KCNMB4: variants seen among roughly 807,000 people sequenced by gnomAD.
KCNMB4 encodes the protein calcium-activated potassium channel subunit beta-4.
KCNMB4 carries 3 observed loss-of-function variants against 20.7 expected under a neutral mutation model. That is an observed-to-expected ratio of 0.14 (90% CI 0.07 to 0.37). KCNMB4 has a LOEUF of 0.37. KCNMB4 is among the 10% of genes least tolerant of loss of function. The pLI, the probability that KCNMB4 is intolerant of heterozygous loss-of-function variation, is 1.00. For missense variants in KCNMB4, 168 were observed against 265.9 expected, an observed-to-expected ratio of 0.63 and a Z score of 2.56; for synonymous variants, 110 against 113.4, an observed-to-expected ratio of 0.97 and a Z score of 0.19.
chr12:70,404,902 G>A (rs770768952), intron 2 of KCNMB4, among the ~76,000 whole-genome samples: 10 of 152,172 alleles, frequency 6.6e-5, no homozygotes, highest in South Asian at 2.1e-4. Context: ...TAGTTGAAGC[G>A]AAGACAAAGA....
intron 1 of KCNMB4, among the ~76,000 whole-genome samples, chr12:70,367,970 T>C (rs947803473): frequency 1.3e-5 from 2 of 152,148 alleles, no homozygotes; most frequent in Non-Finnish European, 2.9e-5. Flanking sequence ...AAATAACTTA[T>C]AAAAAGCAGT....
chr12:70,406,834 A>G (rs1479025833), intron 2 of KCNMB4, among the ~76,000 whole-genome samples: 3 of 152,214 alleles, frequency 2.0e-5, no homozygotes, highest in Middle Eastern at 3.2e-3. Flanking sequence ...AAGAAGGACT[A>G]TTCCTCCAGA....
intron 2 of KCNMB4, among the ~76,000 whole-genome samples, chr12:70,416,975 G>A (rs530172995): frequency 2.0e-5 from 3 of 152,258 alleles, no homozygotes; most frequent in South Asian, 2.1e-4. Context: ...AGAAGGTAGC[G>A]CTTTCTTCAG....
chr12:70,407,270 C>A (rs1294790220), intron 2 of KCNMB4, among the ~76,000 whole-genome samples: 3 of 152,030 alleles, frequency 2.0e-5, no homozygotes, highest in South Asian at 4.2e-4. Flanking sequence ...GAGCAAGGGG[C>A]CCTCTCCAGG....
At chr12:70,422,973 G>A (rs1334903318) in intron 2 of KCNMB4, 8 of 408,598 alleles carry the variant, frequency 2.0e-5, no homozygotes, top group African/African-American at 8.5e-5. Context: ...CTGAAGGGAC[G>A]GTCATCTTAA....
intron 2 of KCNMB4, among the ~76,000 whole-genome samples, chr12:70,416,504 T>C (rs995646335): frequency 1.2e-4 from 18 of 152,342 alleles, no homozygotes; most frequent in Non-Finnish European, 2.5e-4. Flanking sequence ...TGATAGGGTC[T>C]TTTTCATTAC....
chr12:70,393,092 A>G (rs1295471785), intron 1 of KCNMB4, among the ~76,000 whole-genome samples: 1 of 152,174 alleles, frequency 6.6e-6, no homozygotes, highest in African/African-American at 2.4e-5. Flanking sequence ...TATAATTATT[A>G]ATAACTATTG....
At chr12:70,404,211 T>C (rs1868533832) in intron 2 of KCNMB4, among the ~76,000 whole-genome samples, 3 of 152,174 alleles carry the variant, frequency 2.0e-5, no homozygotes, top group East Asian at 1.9e-4. Context: ...CTAAAGAGAT[T>C]CTTTGTCATA....
chr12:70,398,865 A>G (rs1478309861), intron 1 of KCNMB4, among the ~76,000 whole-genome samples: 1 of 152,198 alleles, frequency 6.6e-6, no homozygotes, highest in East Asian at 1.9e-4. Flanking sequence ...TCCAGCTGTG[A>G]TATCACGTGG....
chr12:70,429,539 C>T (rs1044818755), intron 2 of KCNMB4, among the ~76,000 whole-genome samples: 1 of 151,802 alleles, frequency 6.6e-6, no homozygotes, highest in Middle Eastern at 3.4e-3. Flanking sequence ...TGGTGGCGGG[C>T]GCCTGTAGTC....
intron 1 of KCNMB4, among the ~76,000 whole-genome samples, chr12:70,395,390 G>C (rs1366389582): frequency 6.6e-6 from 1 of 152,068 alleles, no homozygotes; most frequent in Non-Finnish European, 1.5e-5. Context: ...AAATGATTCA[G>C]TAACAGAAGA....
rs571307880 is a variant in KCNMB4 at position 70,385,658 on chromosome 12, A to G, written c.337-14551A>G. Among the ~76,000 whole-genome samples the G allele has an allele frequency of 3.3e-5, 5 of 152,340 alleles. No homozygotes were observed. In the East Asian group the frequency reaches 9.6e-4, roughly 29 times the overall value. On this transcript the variant is annotated intron_variant, in intron 1 of 2. Coordinates refer to ENST00000258111, the MANE Select transcript of KCNMB4 (RefSeq NM_014505.6). ...CTCAGCAAGTTTAATTGCCAAAGAA[A>G]TGTTCTTCAAAAATACAAAATTAGA...
chr12:70,367,938 G>A (rs1883525033), intron 1 of KCNMB4, among the ~76,000 whole-genome samples: 1 of 151,690 alleles, frequency 6.6e-6, no homozygotes, highest in Non-Finnish European at 1.5e-5. Flanking sequence ...GGAAGTCTCA[G>A]AAAACTGTTC....
intron 2 of KCNMB4, among the ~76,000 whole-genome samples, chr12:70,403,031 C>T (rs1251531722): frequency 6.6e-6 from 1 of 152,196 alleles, no homozygotes; most frequent in Admixed American, 6.5e-5. Flanking sequence ...CAACCCCTGA[C>T]TTGGGGCTAG....
intron 1 of KCNMB4, among the ~76,000 whole-genome samples, chr12:70,390,819 C>A (rs1456460246): frequency 1.3e-5 from 2 of 152,180 alleles, no homozygotes; most frequent in African/African-American, 2.4e-5. Context: ...TAACTTGGAC[C>A]AAAACTTCAT....
chr12:70,370,528 G>C (rs1248086285), intron 1 of KCNMB4, among the ~76,000 whole-genome samples: 1 of 151,812 alleles, frequency 6.6e-6, no homozygotes, highest in African/African-American at 2.4e-5. Flanking sequence ...GGATGGTCTC[G>C]ATCTCCTGAC....
chr12:70,395,699 G>A (rs34501109), intron 1 of KCNMB4, among the ~76,000 whole-genome samples: 16,851 of 152,108 alleles, frequency 0.11, 1,242 homozygotes, highest in Non-Finnish European at 0.17. Context: ...CATGAACTTT[G>A]TTCATGAATG....
At chr12:70,394,089 TC>T (rs1868328411) in intron 1 of KCNMB4, among the ~76,000 whole-genome samples, 1 of 152,178 alleles carries the variant, frequency 6.6e-6, no homozygotes, top group African/African-American at 2.4e-5. Context: ...ACTGCTTGCT[TC>T]GGGGGAGGTG....
intron 2 of KCNMB4, among the ~76,000 whole-genome samples, chr12:70,428,450 A>G (rs889936559): frequency 4.6e-5 from 7 of 152,320 alleles, no homozygotes; most frequent in Middle Eastern, 3.4e-3. Context: ...GGAAAGAGCA[A>G]CCTGAGAGAC....
Sources: gnomAD v4.1 joint callset for allele counts (sites outside exome capture counted in the v4.1 genomes callset) on GRCh38, gnomAD v4.1.1 for gene constraint, MANE v1.5 for transcripts, NCBI Gene and HGNC (gene_info 2026-07-23, HGNC 2026-07-21) for gene names.